ZCCHC14: variants seen among roughly 807,000 people sequenced by gnomAD.
The protein encoded by ZCCHC14 is zinc finger CCHC domain-containing protein 14.
Under a neutral mutation model 85.0 loss-of-function variants are expected in ZCCHC14, and 16 were observed. The ratio of observed to expected loss-of-function variants is 0.19; its 90% CI spans 0.13 to 0.29. ZCCHC14 has a LOEUF of 0.29. Ranked by LOEUF, ZCCHC14 falls within the 10% of genes least tolerant of loss-of-function variation. The pLI is 1.00. For synonymous variants in ZCCHC14, 775 were observed against 630.7 expected, an observed-to-expected ratio of 1.23 and a Z score of -3.43; for missense variants, 1,303 against 1,443.5, an observed-to-expected ratio of 0.90 and a Z score of 1.58.
At chr16:87,457,624 T>C (rs1164378083) in intron 2 of ZCCHC14, among the ~76,000 whole-genome samples, 1 of 152,216 alleles carries the variant, frequency 6.6e-6, no homozygotes, top group Admixed American at 6.5e-5. Flanking sequence ...CTGACCACTC[T>C]ATAAATTAAA....
chr16:87,476,067 C>G (rs146332501), intron 1 of ZCCHC14, among the ~76,000 whole-genome samples: 5 of 152,194 alleles, frequency 3.3e-5, no homozygotes, highest in Non-Finnish European at 7.3e-5. Flanking sequence ...GTCTCGACTT[C>G]TCTCAAAGTC....
intron 2 of ZCCHC14, among the ~76,000 whole-genome samples, chr16:87,454,003 A>G (rs1910832897): frequency 6.6e-6 from 1 of 152,260 alleles, no homozygotes; most frequent in South Asian, 2.1e-4. Flanking sequence ...GAAACTAAAA[A>G]TACAATATCT....
At position 87,412,558 on chromosome 16, in the gene ZCCHC14, C is replaced by A. The variant is rs1262019734; in HGVS notation, c.2163G>T (p.Met721Ile). 2 of 1,613,980 alleles carry A rather than the reference C, an allele frequency of 1.2e-6. No individual in the cohort carries two copies. Among genetic ancestry groups the A allele is most frequent in the African/African-American group, 2.7e-5 (2 of 74,906 alleles). ...GGGGACCAAAGGAGACTGTGGGTGA[C>A]ATGGAGCTGCTCTCCGAAAGCCCAG... is the stretch of plus-strand genomic sequence containing the variant. The part of the protein sequence containing the change: ...VLSGLSESSS[M>I]SPTVSFGPRT... Residue 721 changes from methionine to isoleucine, a missense_variant, in exon 12 of 13, where the codon ATG becomes ATT. By Grantham distance (10) the Met-to-Ile change is conservative (BLOSUM62 1). Transcript: ENST00000671377.
chr16:87,414,614 G>GGTCT, intron 9 of ZCCHC14, 73 bp from the exon 10 acceptor site: 1 of 1,526,662 alleles, frequency 6.6e-7, no homozygotes, highest in Non-Finnish European at 8.8e-7. Flanking sequence ...CTTCAAGACG[G>GGTCT]GTCTACTCCA....
At chr16:87,488,458 C>T (rs1328638616) in intron 1 of ZCCHC14, among the ~76,000 whole-genome samples, 2 of 152,168 alleles carry the variant, frequency 1.3e-5, no homozygotes, top group East Asian at 1.9e-4. Context: ...CTACTTTGTA[C>T]TCCCCCCACT....
At chr16:87,479,272 C>T (rs1424788903) in intron 1 of ZCCHC14, among the ~76,000 whole-genome samples, 3 of 151,792 alleles carry the variant, frequency 2.0e-5, no homozygotes, top group African/African-American at 4.8e-5. Context: ...AAAAATTAGC[C>T]GGGTGTGGTG....
At chr16:87,431,004 G>C (rs1909629134) in intron 3 of ZCCHC14, among the ~76,000 whole-genome samples, 1 of 152,208 alleles carries the variant, frequency 6.6e-6, no homozygotes, top group East Asian at 1.9e-4. Flanking sequence ...GCTGGGTATG[G>C]TGGCATGTGC....
intron 2 of ZCCHC14, among the ~76,000 whole-genome samples, chr16:87,441,816 T>C (rs9921147): frequency 0.37 from 56,496 of 152,150 alleles, 12,225 homozygotes; most frequent in Non-Finnish European, 0.5. Flanking sequence ...GAACTAAAGA[T>C]GATCTATGAA....
chr16:87,450,353 T>G (rs1013673867), intron 2 of ZCCHC14, among the ~76,000 whole-genome samples: 1 of 152,230 alleles, frequency 6.6e-6, no homozygotes, highest in African/African-American at 2.4e-5. Context: ...TAGCTGTTAT[T>G]AGAATTTGAA....
intron 1 of ZCCHC14, among the ~76,000 whole-genome samples, chr16:87,466,598 G>C (rs555261989): frequency 2.7e-5 from 4 of 149,318 alleles, no homozygotes; most frequent in South Asian, 4.1e-4. Flanking sequence ...CTAAGTATTA[G>C]AAGACAAATG....
At chr16:87,468,676 C>T (rs972508992) in intron 1 of ZCCHC14, among the ~76,000 whole-genome samples, 1 of 152,184 alleles carries the variant, frequency 6.6e-6, no homozygotes, top group Non-Finnish European at 1.5e-5. Context: ...TGGTTCTCAA[C>T]TGGGGGAAAT....
intron 2 of ZCCHC14, among the ~76,000 whole-genome samples, chr16:87,446,312 C>T (rs1202760786): frequency 2.0e-5 from 3 of 152,244 alleles, no homozygotes; most frequent in East Asian, 1.9e-4. Flanking sequence ...GGCAAAACCT[C>T]GTCTCTACTA....
rs547200864 is a variant in ZCCHC14, at chr16:87,428,153, T to C, written c.769-4272A>G. On this transcript the variant is annotated intron_variant, in intron 3 of 12. Coordinates refer to ENST00000671377, the MANE Select transcript of ZCCHC14 (RefSeq NM_015144.3). ...TTCAGCAAAATCAAAACCAACTCCA[T>C]AGAAAAAAAGCTTGAAGTCATCTTA... 7.2e-5 allele frequency among the ~76,000 whole-genome samples: 11 copies of C among 152,162 alleles called. No homozygotes were observed. The South Asian group carries it at 8.3e-4, about 11-fold the overall frequency.
chr16:87,456,297 G>A (rs11646650), intron 2 of ZCCHC14, among the ~76,000 whole-genome samples: 464 of 152,134 alleles, frequency 3.0e-3, no homozygotes, highest in Non-Finnish European at 5.1e-3. Context: ...TTGGGAAGCC[G>A]AGGCGGGCGG....
intron 1 of ZCCHC14, among the ~76,000 whole-genome samples, chr16:87,464,859 T>C (rs1911446367): frequency 2.0e-5 from 3 of 152,216 alleles, no homozygotes; most frequent in Admixed American, 1.3e-4. Flanking sequence ...AAGTGCTCTC[T>C]GACTCAGGCT....
In ZCCHC14 at chr16:87,407,980, A is replaced by T. The variant is rs2150716770; in HGVS notation, c.*2300T>A. On this transcript the variant is annotated 3_prime_UTR_variant, in exon 13 of 13. Transcript: ENST00000671377. ...TCGACTTCGGACGGCCTCCCTGGAG[A>T]TGTCACACGCCGCCCATGCACGTTC... 6.5e-6 allele frequency: 1 copy of T among 152,760 alleles called. No individual in the cohort carries two copies. 9.5% of individuals were successfully genotyped at this position (152,760 alleles called of 1,614,324 possible). A position where few individuals can be genotyped will look rare whatever the true frequency, so the allele number is the denominator to read the frequency against.
At chr16:87,433,062 A>G (rs1909741482) in intron 3 of ZCCHC14, 66 bp downstream of exon 3, 5 of 1,517,790 alleles carry the variant, frequency 3.3e-6, no homozygotes, top group Non-Finnish European at 2.7e-6. Context: ...AAGGAAAAGC[A>G]TCTCCAGGGT....
At chr16:87,438,466 C>T (rs1910036957) in intron 2 of ZCCHC14, among the ~76,000 whole-genome samples, 1 of 152,180 alleles carries the variant, frequency 6.6e-6, no homozygotes, top group Admixed American at 6.5e-5. Flanking sequence ...CAGCCAGTAG[C>T]AACTCACAGT....
chr16:87,491,973 A>G lies in ZCCHC14; in HGVS notation c.266T>C (p.Val89Ala). Residue 89 changes from valine (V) to alanine (A), a missense_variant, in exon 1 of 13, where the codon GTG becomes GCG. By Grantham distance (64) the Val-to-Ala change is moderately conservative. Transcript: ENST00000671377. This position sits in a 1 kb window ranked among gnomAD's most constrained non-coding sequence, Gnocchi z 5.9. ...TDEVVRSKLL[V>A]SLALLGSEQR... ...CTCCGAGCCCAGCAGCGCCAGCGAC[A>G]CCAGCAGCTTGCTGCGCACCACCTC... 7.1e-7 allele frequency: 1 copy of G among 1,409,802 alleles called. No homozygotes were observed. The highest frequency in any genetic ancestry group is 9.2e-7 in the Non-Finnish European group (1 of 1,084,690). 87.3% of individuals were successfully genotyped at this position (1,409,802 alleles called of 1,614,324 possible).
Sources: allele counts gnomAD v4.1 joint callset (sites outside exome capture counted in the v4.1 genomes callset), GRCh38; gene constraint gnomAD v4.1.1; non-coding constraint Gnocchi (gnomAD v3.1); transcripts MANE v1.5; gene names NCBI Gene and HGNC (gene_info 2026-07-23, HGNC 2026-07-21).